Variants in ALMS1 observed in about 807,000 individuals in gnomAD.
ALMS1 encodes the protein centrosome-associated protein ALMS1.
Under a neutral mutation model 352.2 loss-of-function variants are expected in ALMS1, and 271 were observed. The observed-to-expected ratio is 0.77, with a 90% CI of 0.70 to 0.85. The LOEUF is 0.85. Ranked by LOEUF, ALMS1 falls within the 40% of genes least tolerant of loss-of-function variation. The pLI, the probability that ALMS1 is intolerant of heterozygous loss-of-function variation, is 0.00. For missense variants in ALMS1, 5,445 were observed against 4,870.7 expected (o/e 1.12, Z -3.51); for synonymous variants, 1,865 against 1,761.2 (o/e 1.06, Z -1.48).
At chr2:73,530,005 G>A (rs1419521972) in intron 11 of ALMS1, among the ~76,000 whole-genome samples, 1 of 152,108 alleles carries the variant, frequency 6.6e-6, no homozygotes, top group Non-Finnish European at 1.5e-5. Flanking sequence ...CCCTCAACAT[G>A]TGGGGATTAC....
chr2:73,578,397 C>T (rs1558701909), intron 16 of ALMS1, among the ~76,000 whole-genome samples: 1 of 152,138 alleles, frequency 6.6e-6, no homozygotes, highest in Non-Finnish European at 1.5e-5. Context: ...AAAGGACTTA[C>T]TTTCCCCGTG....
At position 73,449,528 on chromosome 2, in the gene ALMS1, G is replaced by C; in HGVS notation, c.3001G>C (p.Gly1001Arg). 6.2e-7 allele frequency: 1 copy of C among 1,613,912 alleles called. No individual in the cohort carries two copies. The highest frequency in any genetic ancestry group is 8.5e-7 in the Non-Finnish European group (1 of 1,179,946). ...KTVPTPTVPS[G>R]SFSHREKPSI... ...TGTCCCAACACCAACAGTACCTTCA[G>C]GTTCCTTCTCACATAGAGAGAAGCC... Residue 1001 changes from glycine to arginine, a missense_variant, in exon 8 of 23, where the codon GGT becomes CGT. Transcript: ENST00000613296.
intron 13 of ALMS1, among the ~76,000 whole-genome samples, chr2:73,556,992 C>G (rs895278837): frequency 1.3e-5 from 2 of 151,978 alleles, no homozygotes; most frequent in South Asian, 4.1e-4. Flanking sequence ...GTGAGCCACC[C>G]CGCCCGGCTT....
intron 1 of ALMS1, among the ~76,000 whole-genome samples, chr2:73,405,691 A>G (rs527637480): frequency 6.6e-6 from 1 of 151,640 alleles, no homozygotes; most frequent in Non-Finnish European, 1.5e-5. Context: ...TTTTAAATAT[A>G]GGCATTTACG....
At position 73,601,431 on chromosome 2, in the gene ALMS1, C is replaced by T; in HGVS notation, c.12109C>T (p.Leu4037Phe). The T allele has an allele frequency of 3.7e-6, 6 of 1,613,970 alleles. No homozygotes were observed. Among genetic ancestry groups the T allele is most frequent in the Non-Finnish European group, 5.1e-6 (6 of 1,179,880 alleles). The change falls in exon 19 of 23, where the codon CTT (leucine) becomes TTT (phenylalanine). Residue 4037 changes from leucine (L) to phenylalanine (F), a missense_variant. Physicochemically the swap from Leu to Phe is conservative, Grantham distance 22. Coordinates refer to ENST00000613296, the MANE Select transcript of ALMS1 (RefSeq NM_001378454.1). ...ACTGAGGCCATTTGTGAGAGCAACC[C>T]TTCAGGTGCAGTGACGTTGACTTAA... ...DLLRPFVRAT[L>F]QESLQFHRPD...
Position 73,385,976 on chromosome 2 carries a change from C to A in ALMS1, c.108C>A (p.Asn36Lys). The change falls in exon 1 of 23, where the codon AAC becomes AAA. Residue 36 changes from asparagine to lysine, a missense_variant. Physicochemically the swap from Asn to Lys is moderately conservative, Grantham distance 94. Coordinates refer to ENST00000613296, the MANE Select transcript of ALMS1 (RefSeq NM_001378454.1). ...EEEAAAAAAA[N>K]VDDVVVVEEV... is the part of the protein sequence containing the mutation. ...AGGCTGCAGCGGCGGCGGCGGCGAA[C>A]GTGGACGACGTAGTGGTCGTGGAGG... 6.5e-7 allele frequency: 1 copy of A among 1,536,900 alleles called. No individual in the cohort carries two copies. The highest frequency in any genetic ancestry group is 8.8e-7 in the Non-Finnish European group (1 of 1,136,532).
At chr2:73,598,566 T>A (rs1244334344) in intron 16 of ALMS1, among the ~76,000 whole-genome samples, 1 of 152,196 alleles carries the variant, frequency 6.6e-6, no homozygotes, top group East Asian at 1.9e-4. Flanking sequence ...GGATCAGATA[T>A]GCTCAGTTTC....
intron 10 of ALMS1, among the ~76,000 whole-genome samples, chr2:73,502,805 GTT>G (rs1402931053): frequency 6.6e-6 from 1 of 152,100 alleles, no homozygotes; most frequent in African/African-American, 2.4e-5. Context: ...ATGTTTGTGT[GTT>G]TTCTGTTTCT....
At chr2:73,585,168 G>A (rs1429838791) in intron 16 of ALMS1, among the ~76,000 whole-genome samples, 4 of 152,252 alleles carry the variant, frequency 2.6e-5, no homozygotes, top group Middle Eastern at 3.4e-3. Context: ...GGATCAAATG[G>A]TAGTTCTACT....
In ALMS1 at chr2:73,452,985, A is replaced by G. The variant is rs534635095; in HGVS notation, c.6458A>G (p.Gln2153Arg). Residue 2153 changes from glutamine (Q) to arginine (R), a missense_variant, in exon 8 of 23, where the codon CAA (glutamine) becomes CGA (arginine). Coordinates refer to ENST00000613296, the MANE Select transcript of ALMS1 (RefSeq NM_001378454.1). ...CGAGAGAAACCAGATATTTTCTATC[A>G]AAAGGATTTGCCAGATAGACATCTA... ...SHREKPDIFY[Q>R]KDLPDRHLTE... The G allele has an allele frequency of 3.5e-5, 57 of 1,612,322 alleles. No individual in the cohort carries two copies. Among genetic ancestry groups the G allele is most frequent in the Non-Finnish European group, 4.6e-5 (54 of 1,179,190 alleles).
intron 16 of ALMS1, among the ~76,000 whole-genome samples, chr2:73,582,845 A>G (rs918281346): frequency 6.6e-6 from 1 of 152,152 alleles, no homozygotes; most frequent in Admixed American, 6.5e-5. Context: ...ATGGGTATGT[A>G]ACTGTCTTTT....
chr2:73,551,425 CTTTTTTTTTTTTTT>C lies in ALMS1; in HGVS notation c.10078+1003_10078+1016del, dbSNP rs372741747. The stretch of plus-strand genomic sequence containing the variant: ...TCACTGTGGGTATTTGAGTTTCAAT[CTTTTTTTTTTTTTT>C]TTTTTTTTTTTTTTGAGTTGGAGTT... On this transcript the variant is annotated intron_variant, in intron 13 of 22. Coordinates refer to ENST00000613296, the MANE Select transcript of ALMS1 (RefSeq NM_001378454.1). Among the ~76,000 whole-genome samples, 114 of 73,706 alleles carry C rather than the reference CTTTTTTTTTTTTTT, an allele frequency of 1.5e-3. 2 individuals carry two copies. Among genetic ancestry groups the C allele is most frequent in the African/African-American group, 3.5e-3 (56 of 15,936 alleles). 48.4% of individuals were successfully genotyped at this position (73,706 alleles called of 152,430 possible).
At chr2:73,454,575 C>T (rs1672020631) in intron 8 of ALMS1, among the ~76,000 whole-genome samples, 1 of 143,968 alleles carries the variant, frequency 6.9e-6, no homozygotes, top group Non-Finnish European at 1.5e-5. Context: ...AAAAAAAAAT[C>T]AATGTATTTT....
intron 10 of ALMS1, among the ~76,000 whole-genome samples, chr2:73,499,540 A>G (rs1673178302): frequency 6.6e-6 from 1 of 152,114 alleles, no homozygotes; most frequent in Admixed American, 6.6e-5. Context: ...ATGGCGAAAG[A>G]TATAGAGTTC....
chr2:73,570,293 A>C (rs933918716), intron 15 of ALMS1, among the ~76,000 whole-genome samples: 2 of 152,240 alleles, frequency 1.3e-5, no homozygotes, highest in African/African-American at 4.8e-5. Flanking sequence ...TCGTAGCTTG[A>C]AATGCAAATT....
intron 7 of ALMS1, among the ~76,000 whole-genome samples, chr2:73,439,533 A>G (rs1671674325): frequency 6.6e-6 from 1 of 152,028 alleles, no homozygotes; most frequent in Admixed American, 6.6e-5. Context: ...TAATATCTGT[A>G]TTTTAGTTTG....
chr2:73,518,910 A>G (rs910773740), intron 10 of ALMS1, among the ~76,000 whole-genome samples: 9 of 152,180 alleles, frequency 5.9e-5, no homozygotes, highest in African/African-American at 2.2e-4. Flanking sequence ...TTTGCTGTGC[A>G]GAAGCTCTTA....
chr2:73,404,064 A>T (rs1558631750), intron 1 of ALMS1, among the ~76,000 whole-genome samples: 1 of 152,012 alleles, frequency 6.6e-6, no homozygotes, highest in Non-Finnish European at 1.5e-5. Flanking sequence ...CACCTGGCTA[A>T]TGTTTACATT....
intron 16 of ALMS1, among the ~76,000 whole-genome samples, chr2:73,598,404 A>T (rs1675597226): frequency 4.6e-5 from 7 of 152,130 alleles, no homozygotes; most frequent in Admixed American, 3.9e-4. Context: ...TAAATTTTAC[A>T]TGTCATCAGT....
Sources: allele counts gnomAD v4.1 joint callset (sites outside exome capture counted in the v4.1 genomes callset), GRCh38; gene constraint gnomAD v4.1.1; transcripts MANE v1.5; gene names NCBI Gene and HGNC (gene_info 2026-07-23, HGNC 2026-07-21).